The following PEAK1 variants were observed in gnomAD, a reference collection of about 807,000 sequenced individuals.
The protein encoded by PEAK1 is pseudopodium enriched atypical kinase 1.
A neutral mutation model predicts 124.7 loss-of-function variants in PEAK1; 54 were observed. The observed-to-expected ratio is 0.43, with a 90% CI of 0.35 to 0.54. The LOEUF (loss-of-function observed/expected upper bound fraction) is 0.54, where lower values mean the gene tolerates loss of function less well. PEAK1 is among the 20% of genes least tolerant of loss of function. The pLI is 0.01. For synonymous variants in PEAK1, 719 were observed against 760.0 expected, an observed-to-expected ratio of 0.95 and a Z score of 0.89; for missense variants, 2,046 against 2,134.5, an observed-to-expected ratio of 0.96 and a Z score of 0.82.
At chr15:77,214,449 T>C (rs148145569) in intron 6 of PEAK1, among the ~76,000 whole-genome samples, 2,473 of 148,662 alleles carry the variant, frequency 0.017, 65 homozygotes, top group African/African-American at 0.057. Context: ...ACCTCGTCTC[T>C]ACTAAAAATA....
chr15:77,236,224 A>G (rs776412483), intron 6 of PEAK1, among the ~76,000 whole-genome samples: 1 of 152,228 alleles, frequency 6.6e-6, no homozygotes, highest in Non-Finnish European at 1.5e-5. Flanking sequence ...TGCGTCTGGA[A>G]GAGCGGCAGA....
At chr15:77,215,943 A>G (rs923668136) in intron 6 of PEAK1, among the ~76,000 whole-genome samples, 1 of 152,124 alleles carries the variant, frequency 6.6e-6, no homozygotes, top group Non-Finnish European at 1.5e-5. Context: ...TGTCAATACC[A>G]GACTGTTTTG....
At chr15:77,237,586 C>T (rs1193107689) in intron 6 of PEAK1, among the ~76,000 whole-genome samples, 1 of 151,880 alleles carries the variant, frequency 6.6e-6, no homozygotes, top group African/African-American at 2.4e-5. Flanking sequence ...CTCTACATAT[C>T]AATTACATTA....
At chr15:77,237,972 C>G (rs2060196724) in intron 6 of PEAK1, among the ~76,000 whole-genome samples, 3 of 152,136 alleles carry the variant, frequency 2.0e-5, no homozygotes, top group Non-Finnish European at 2.9e-5. Flanking sequence ...AGAGGCTACC[C>G]TTTAATAAGT....
intron 1 of PEAK1, among the ~76,000 whole-genome samples, chr15:77,395,661 A>C (rs2070819795): frequency 6.6e-6 from 1 of 152,168 alleles, no homozygotes; most frequent in South Asian, 2.1e-4. Context: ...CAACATATTT[A>C]AAGTGCTTAA....
intron 1 of PEAK1, chr15:77,404,344 A>G (rs2142039501): frequency 2.0e-6 from 2 of 985,134 alleles, no homozygotes; most frequent in South Asian, 9.4e-5. Flanking sequence ...TGCTAATACT[A>G]GCCACCTGTG....
chr15:77,109,047 A>G lies in PEAK1; in HGVS notation c.*5109T>C, dbSNP rs530698393. The stretch of plus-strand genomic sequence containing the variant: ...CACCTTGTACCTTCTGGGCACTTAC[A>G]GATATTAAATGATGGTGATGATGAA... On this transcript the variant is annotated 3_prime_UTR_variant, in exon 10 of 10. Coordinates refer to ENST00000682557, the MANE Select transcript of PEAK1 (RefSeq NM_001385026.1). 2.6e-5 allele frequency: 4 copies of G among 152,334 alleles called. No homozygotes were observed. The highest frequency in any genetic ancestry group is 1.9e-4 in the East Asian group (1 of 5,188). 9.4% of individuals were successfully genotyped at this position (152,334 alleles called of 1,614,324 possible). A position where few individuals can be genotyped will look rare whatever the true frequency, so the allele number is the denominator to read the frequency against.
intron 6 of PEAK1, among the ~76,000 whole-genome samples, chr15:77,198,602 T>C (rs2058218649): frequency 6.6e-6 from 1 of 152,188 alleles, no homozygotes; most frequent in Non-Finnish European, 1.5e-5. Flanking sequence ...AAATCTTGCA[T>C]TTTTTGAGAA....
At chr15:77,262,560 TATCCTAA>T (rs1163362384) in intron 5 of PEAK1, among the ~76,000 whole-genome samples, 3 of 151,800 alleles carry the variant, frequency 2.0e-5, no homozygotes, top group African/African-American at 7.3e-5. Flanking sequence ...AAGAGCTAAC[TATCCTAA>T]ATATATATGC....
chr15:77,276,249 CCAAA>C (rs776561070), intron 5 of PEAK1, among the ~76,000 whole-genome samples: 10 of 152,052 alleles, frequency 6.6e-5, no homozygotes, highest in Non-Finnish European at 8.8e-5. Flanking sequence ...CAAGTAAACC[CCAAA>C]CAGTGTAAAC....
At chr15:77,300,826 G>A (rs1257355971) in intron 2 of PEAK1, among the ~76,000 whole-genome samples, 2 of 151,888 alleles carry the variant, frequency 1.3e-5, no homozygotes, top group East Asian at 3.9e-4. Flanking sequence ...AAATTTGATG[G>A]CTTAAAAAAC....
chr15:77,293,484 T>G (rs2063329416), intron 2 of PEAK1, among the ~76,000 whole-genome samples: 1 of 152,212 alleles, frequency 6.6e-6, no homozygotes, highest in South Asian at 2.1e-4. Flanking sequence ...TTTACACATG[T>G]TAGTCCTCCC....
chr15:77,218,761 T>A (rs771369232), intron 6 of PEAK1, among the ~76,000 whole-genome samples: 4 of 151,890 alleles, frequency 2.6e-5, no homozygotes, highest in Non-Finnish European at 5.9e-5. Flanking sequence ...TTTTGCATTA[T>A]TTTTTTTCCC....
In PEAK1 at chr15:77,333,685, T is replaced by A. The variant is rs1475070299; in HGVS notation, c.-603+31478A>T. On this transcript the variant is annotated intron_variant, in intron 2 of 9. Transcript: ENST00000682557. ...AAGTCAATATTCTTACCACTTTTGT[T>A]TACTAATTCATTCTCCTAATGAATT... 3 of 973,572 alleles carry A rather than the reference T, an allele frequency of 3.1e-6. No individual in the cohort carries two copies. In the African/African-American group the frequency reaches 5.3e-5, roughly 17 times the overall value. 60.3% of individuals were successfully genotyped at this position (973,572 alleles called of 1,614,324 possible). A position where few individuals can be genotyped will look rare whatever the true frequency, so the allele number is the denominator to read the frequency against.
chr15:77,334,967 T>C (rs1294459237), intron 2 of PEAK1: 1 of 985,262 alleles, frequency 1.0e-6, no homozygotes, highest in South Asian at 4.7e-5. Flanking sequence ...AACAGATTGC[T>C]AGTTGAGCTA....
At chr15:77,330,924 G>C (rs886144563) in intron 2 of PEAK1, 1 of 657,184 alleles carries the variant, frequency 1.5e-6, no homozygotes, top group African/African-American at 2.0e-5. Context: ...TCTATCTCTT[G>C]GTTCCAAAAC....
At position 77,375,068 on chromosome 15, in the gene PEAK1, G is replaced by A. The variant is rs2068907018; in HGVS notation, c.-665-9843C>T. Among the ~76,000 whole-genome samples, 4 of 152,058 alleles carry A rather than the reference G, an allele frequency of 2.6e-5. No homozygotes were observed. In the South Asian group the frequency reaches 8.3e-4, roughly 32 times the overall value. Reference sequence around the variant, plus strand: ...ACTAATCTTAAATTAAAACAATCAGGTAAATTATTTTGGTTATTAGCACTA... The same window carrying A: ...ACTAATCTTAAATTAAAACAATCAGATAAATTATTTTGGTTATTAGCACTA... On this transcript the variant is annotated intron_variant, in intron 1 of 9. Coordinates refer to ENST00000682557, the MANE Select transcript of PEAK1 (RefSeq NM_001385026.1).
chr15:77,355,788 G>A (rs1597415359), intron 2 of PEAK1: 5 of 985,278 alleles, frequency 5.1e-6, no homozygotes, highest in South Asian at 9.4e-5. Flanking sequence ...AGTTTACCTC[G>A]ATTCCAATTC....
At chr15:77,321,689 T>C (rs1021950633) in intron 2 of PEAK1, among the ~76,000 whole-genome samples, 3 of 152,236 alleles carry the variant, frequency 2.0e-5, no homozygotes, top group Non-Finnish European at 4.4e-5. Context: ...TTTCGGCTTT[T>C]GTTGCCATTG....
Sources: allele counts gnomAD v4.1 joint callset (sites outside exome capture counted in the v4.1 genomes callset), GRCh38; gene constraint gnomAD v4.1.1; transcripts MANE v1.5; gene names NCBI Gene and HGNC (gene_info 2026-07-23, HGNC 2026-07-21).